Variants in GABRA3 observed in about 807,000 individuals in gnomAD.
The protein encoded by GABRA3 is gamma-aminobutyric acid type A receptor subunit alpha3.
Under a neutral mutation model 30.1 loss-of-function variants are expected in GABRA3, and 10 were observed. That is an observed-to-expected ratio of 0.33 (90% CI 0.20 to 0.56). GABRA3 has a LOEUF of 0.56. Among genes scored for constraint, GABRA3 ranks in the 20% least tolerant of loss-of-function variants. The pLI, the probability that GABRA3 is intolerant of heterozygous loss-of-function variation, is 0.89. For missense variants in GABRA3, 233 were observed against 392.0 expected, an observed-to-expected ratio of 0.59 and a Z score of 3.42; for synonymous variants, 151 against 146.8, an observed-to-expected ratio of 1.03 and a Z score of -0.21.
chrX:152,284,343 C>T (rs983259953), intron 4 of GABRA3, among the ~76,000 whole-genome samples: 1 of 111,302 alleles, frequency 9.0e-6, no homozygotes, highest in Non-Finnish European at 1.9e-5. Flanking sequence ...CTACCTGTAC[C>T]AATATGTGTG....
intron 2 of GABRA3, among the ~76,000 whole-genome samples, chrX:152,357,220 G>C (rs903043258): frequency 8.1e-5 from 9 of 111,683 alleles, no homozygotes; most frequent in African/African-American, 2.9e-4. Context: ...CAGTGTATGA[G>C]ATAGTTGTAG....
At chrX:152,336,344 A>G (rs1276493602) in intron 3 of GABRA3, among the ~76,000 whole-genome samples, 1 of 111,734 alleles carries the variant, frequency 8.9e-6, no homozygotes, top group Non-Finnish European at 1.9e-5. Context: ...TATCACTCCT[A>G]ATGAATATGT....
chrX:152,186,360 C>G (rs753938007), intron 9 of GABRA3, among the ~76,000 whole-genome samples: 8 of 109,839 alleles, frequency 7.3e-5, no homozygotes, highest in Admixed American at 2.0e-4. Flanking sequence ...TGCTACCGTG[C>G]CCAGCTAATT....
chrX:152,293,626 T>C (rs1387250005), intron 3 of GABRA3, among the ~76,000 whole-genome samples: 2 of 111,905 alleles, frequency 1.8e-5, no homozygotes, highest in Non-Finnish European at 3.8e-5. Flanking sequence ...ACAACTGTTA[T>C]TGTTAACAAA....
chrX:152,245,136 G>C (rs1938442750), intron 5 of GABRA3, among the ~76,000 whole-genome samples: 1 of 109,769 alleles, frequency 9.1e-6, no homozygotes. Flanking sequence ...AGGAGAACAA[G>C]GGGCTCTGGA....
chrX:152,282,148 A>C (rs1939209505), intron 4 of GABRA3, among the ~76,000 whole-genome samples: 1 of 112,006 alleles, frequency 8.9e-6, no homozygotes, highest in South Asian at 3.7e-4. Context: ...GTCAATGTTC[A>C]AAGTGGCAGC....
intron 3 of GABRA3, among the ~76,000 whole-genome samples, chrX:152,296,097 C>T (rs1488864220): frequency 8.9e-6 from 1 of 112,255 alleles, no homozygotes; most frequent in African/African-American, 3.2e-5. Context: ...AGGATTTGGG[C>T]TTTGGCCAAG....
intron 2 of GABRA3, among the ~76,000 whole-genome samples, chrX:152,362,718 CAA>C (rs1210981817): frequency 1.8e-5 from 2 of 111,201 alleles, no homozygotes; most frequent in Admixed American, 1.9e-4. Context: ...TAGATGAATC[CAA>C]GAGATGTGGG....
At chrX:152,194,113 T>C (rs1322232568) in intron 8 of GABRA3, among the ~76,000 whole-genome samples, 1 of 112,575 alleles carries the variant, frequency 8.9e-6, no homozygotes, top group East Asian at 2.8e-4. Flanking sequence ...TATATTACAT[T>C]ATGTTCTAGT....
At chrX:152,242,731 T>C (rs1938402320) in intron 5 of GABRA3, among the ~76,000 whole-genome samples, 1 of 111,867 alleles carries the variant, frequency 8.9e-6, no homozygotes, top group African/African-American at 3.2e-5. Flanking sequence ...ATCAAAAAGA[T>C]AAAAGATAGG....
intron 2 of GABRA3, among the ~76,000 whole-genome samples, chrX:152,355,988 A>AT (rs780535298): frequency 3.2e-4 from 36 of 111,616 alleles, no homozygotes; most frequent in Non-Finnish European, 5.8e-4. Flanking sequence ...AAGAAAGTCA[A>AT]TTTTCCTTTC....
intron 3 of GABRA3, among the ~76,000 whole-genome samples, chrX:152,303,953 T>G (rs1234733679): frequency 8.9e-6 from 1 of 111,989 alleles, no homozygotes; most frequent in Non-Finnish European, 1.9e-5. Context: ...GTTCTGCACA[T>G]GTATCCCAGA....
At chrX:152,181,739 T>G (rs184446035) in intron 9 of GABRA3, among the ~76,000 whole-genome samples, 216 of 109,517 alleles carry the variant, frequency 2.0e-3, no homozygotes, top group African/African-American at 6.6e-3. Flanking sequence ...AGTTAATGGG[T>G]GCAGCACACC....
chrX:152,226,925 C>T (rs781019882), intron 5 of GABRA3, among the ~76,000 whole-genome samples: 1 of 111,803 alleles, frequency 8.9e-6, no homozygotes, highest in Admixed American at 9.5e-5. Flanking sequence ...CTCTTTTACA[C>T]TGTTGGTGGG....
chrX:152,224,919 C>T, intron 5 of GABRA3, 74 bp from the exon 6 acceptor site: 1 of 712,805 alleles, frequency 1.4e-6, no homozygotes, highest in South Asian at 2.9e-5. Context: ...CATTCCCACT[C>T]AGTTCCTAAG....
intron 3 of GABRA3, among the ~76,000 whole-genome samples, chrX:152,327,321 G>T (rs1318085529): frequency 9.0e-6 from 1 of 110,985 alleles, no homozygotes; most frequent in Non-Finnish European, 1.9e-5. Flanking sequence ...GGATATCCAG[G>T]AATTGAACTC....
intron 5 of GABRA3, 55 bp downstream of exon 5, chrX:152,255,723 T>G (rs754586487): frequency 9.5e-7 from 1 of 1,057,845 alleles, no homozygotes; most frequent in East Asian, 3.0e-5. Flanking sequence ...ACATTCTGCT[T>G]TCAAGCCCAG....
intron 9 of GABRA3, among the ~76,000 whole-genome samples, chrX:152,170,531 G>T (rs61494582): frequency 2.5e-4 from 28 of 110,995 alleles, no homozygotes; most frequent in African/African-American, 9.2e-4. Context: ...GCCCAGGCTG[G>T]TCTTGTACTC....
chrX:152,376,728 A>G lies in GABRA3; in HGVS notation c.-26-12132T>C, dbSNP rs12353889. Among the ~76,000 whole-genome samples, 1,087 of 111,799 alleles carry G rather than the reference A, an allele frequency of 9.7e-3. 8 individuals carry two copies. The highest frequency in any genetic ancestry group is 0.032 in the African/African-American group (996 of 30,784). ...ACTCCAGCTTAATTGCCTTCTGTTT[A>G]TTTTTTAATCATCTACATTCTGCCT... On this transcript the variant is annotated intron_variant, in intron 1 of 9. Transcript: ENST00000370314.
Sources: allele counts gnomAD v4.1 joint callset (sites outside exome capture counted in the v4.1 genomes callset), GRCh38; gene constraint gnomAD v4.1.1; transcripts MANE v1.5; gene names NCBI Gene and HGNC (gene_info 2026-07-23, HGNC 2026-07-21).